The following ARID3A variants were observed in gnomAD, a reference collection of about 807,000 sequenced individuals.
ARID3A encodes the protein AT-rich interaction domain 3A.
ARID3A carries 11 observed loss-of-function variants against 52.7 expected under a neutral mutation model. The ratio of observed to expected loss-of-function variants is 0.21; its 90% CI spans 0.13 to 0.35. ARID3A has a LOEUF of 0.35. Ranked by LOEUF, ARID3A falls within the 10% of genes least tolerant of loss-of-function variation. The pLI is 1.00. For synonymous variants in ARID3A, 404 were observed against 359.4 expected, an observed-to-expected ratio of 1.12 and a Z score of -1.40; for missense variants, 721 against 838.5, an observed-to-expected ratio of 0.86 and a Z score of 1.73.
At position 929,363 on chromosome 19, in the gene ARID3A, GCCCC is replaced by G; in HGVS notation, c.-164_-161del. On this transcript the variant is annotated 5_prime_UTR_variant, in exon 2 of 9. Transcript: ENST00000263620. The surrounding 1 kb of genome is among the most constrained non-coding windows in gnomAD (Gnocchi z 6.2). ...ATCAGCCTTCAGCTTGAGCCCGGCG[GCCCC>G]CGCCCCCGCCCCCTGCCACCCTGCA... 3.9e-6 allele frequency: 1 copy of G among 259,260 alleles called. No individual in the cohort carries two copies. 16.1% of individuals were successfully genotyped at this position (259,260 alleles called of 1,614,324 possible).
intron 3 of ARID3A, among the ~76,000 whole-genome samples, chr19:935,884 G>A (rs1348697573): frequency 5.3e-5 from 8 of 152,312 alleles, no homozygotes; most frequent in South Asian, 2.1e-4. Flanking sequence ...TCTACCTCCC[G>A]GGTTCACGCC....
Position 975,671 on chromosome 19 carries a change from G to A in ARID3A, c.*3606G>A, listed in dbSNP as rs1217744200. On this transcript the variant is annotated 3_prime_UTR_variant, in exon 9 of 9. Coordinates refer to ENST00000263620, the MANE Select transcript of ARID3A (RefSeq NM_005224.3). The stretch of plus-strand genomic sequence containing the variant: ...CCTCTGGCTGGGCCCAGCCTGTCTC[G>A]CCCTGGCCGCGGCAGGGTGGCCTGT... 5.1e-5 allele frequency: 10 copies of A among 195,262 alleles called. No homozygotes were observed. The highest frequency in any genetic ancestry group is 2.0e-4 in the South Asian group (1 of 5,090). The allele number at this position is 195,262 out of a possible 1,614,324, so 12.1% of individuals were successfully genotyped here.
intron 1 of ARID3A, chr19:928,784 G>A (rs2037254311): frequency 6.6e-6 from 1 of 152,258 alleles, no homozygotes; most frequent in Admixed American, 6.5e-5. Context: ...CTGTTGAGTT[G>A]TGTGATGGGG....
At chr19:961,491 C>T (rs906440133) in intron 4 of ARID3A, among the ~76,000 whole-genome samples, 2 of 152,208 alleles carry the variant, frequency 1.3e-5, no homozygotes, top group African/African-American at 4.8e-5. Flanking sequence ...TCCCCATGAC[C>T]CTTTATCATC....
intron 3 of ARID3A, among the ~76,000 whole-genome samples, chr19:954,129 C>T (rs1010614119): frequency 1.3e-5 from 2 of 151,982 alleles, no homozygotes; most frequent in African/African-American, 4.8e-5. Context: ...CTGGGGGGCC[C>T]TGGGAGGCTG....
intron 3 of ARID3A, among the ~76,000 whole-genome samples, chr19:943,556 A>G (rs1230157464): frequency 6.6e-6 from 1 of 151,862 alleles, no homozygotes; most frequent in Non-Finnish European, 1.5e-5. Context: ...TGACAGAGCG[A>G]GACTCTGTCT....
At chr19:935,563 G>A (rs976690428) in intron 3 of ARID3A, among the ~76,000 whole-genome samples, 1 of 152,088 alleles carries the variant, frequency 6.6e-6, no homozygotes, top group African/African-American at 2.4e-5. Flanking sequence ...CTGCAGCCTC[G>A]ATCTCCTGGG....
chr19:936,722 G>A (rs988596597), intron 3 of ARID3A, among the ~76,000 whole-genome samples: 2 of 152,094 alleles, frequency 1.3e-5, no homozygotes, highest in African/African-American at 4.8e-5. Flanking sequence ...CGCGCCTGTA[G>A]TCCCAGCTAC....
Position 975,092 on chromosome 19 carries a change from G to T in ARID3A, c.*3027G>T. 1 of 231,830 alleles carries T rather than the reference G, an allele frequency of 4.3e-6. No individual in the cohort carries two copies. The highest frequency in any genetic ancestry group is 6.1e-5 in the East Asian group (1 of 16,424). The allele number at this position is 231,830 out of a possible 1,614,324, so 14.4% of individuals were successfully genotyped here. ...CTCCTGCCACCGCCTGTCGGTGGGG[G>T]TTTAAATTCGGTGTGGCTTTCTGGG... On this transcript the variant is annotated 3_prime_UTR_variant, in exon 9 of 9. Transcript: ENST00000263620.
At chr19:930,907 T>G (rs963739705) in intron 2 of ARID3A, among the ~76,000 whole-genome samples, 5 of 152,210 alleles carry the variant, frequency 3.3e-5, no homozygotes, top group African/African-American at 1.2e-4. Context: ...CGGCTGGACC[T>G]GCATAGCGTG....
intron 3 of ARID3A, among the ~76,000 whole-genome samples, chr19:940,015 T>A (rs1174131553): frequency 6.6e-6 from 1 of 152,040 alleles, no homozygotes; most frequent in Non-Finnish European, 1.5e-5. Flanking sequence ...GGGGCGCTGC[T>A]GGGCTTCCCC....
rs2037645289 is a variant in ARID3A, at chr19:944,922, C to G, written c.693+12180C>G. ...TCTCCATCTCTTCTTTCTCCTCTCC[C>G]CTCTCCCTGTCTCTGCCACCCGCCC... On this transcript the variant is annotated intron_variant, in intron 3 of 8. Coordinates refer to ENST00000263620, the MANE Select transcript of ARID3A (RefSeq NM_005224.3). This position sits in a 1 kb window ranked among gnomAD's most constrained non-coding sequence, Gnocchi z 5.9. 6.6e-6 allele frequency among the ~76,000 whole-genome samples: 1 copy of G among 152,176 alleles called. No individual in the cohort carries two copies. Among genetic ancestry groups the G allele is most frequent in the Non-Finnish European group, 1.5e-5 (1 of 68,026 alleles).
rs2038297549 is a variant in ARID3A at position 972,370 on chromosome 19, CAG to C, written c.*307_*308del. On this transcript the variant is annotated 3_prime_UTR_variant, in exon 9 of 9. Coordinates refer to ENST00000263620, the MANE Select transcript of ARID3A (RefSeq NM_005224.3). ...ACAGCAAAGAAATCCATCAGAAAAA[CAG>C]AAAGAGGCAGACGTTTCCCAGGGCG... 4.6e-6 allele frequency: 1 copy of C among 216,392 alleles called. No individual in the cohort carries two copies. The highest frequency in any genetic ancestry group is 9.3e-6 in the Non-Finnish European group (1 of 107,286). The allele number at this position is 216,392 out of a possible 1,614,324, so 13.4% of individuals were successfully genotyped here.
Position 959,431 on chromosome 19 carries a change from A to C in ARID3A, c.694-661A>C, listed in dbSNP as rs1599417682. On this transcript the variant is annotated intron_variant, in intron 3 of 8. Coordinates refer to ENST00000263620, the MANE Select transcript of ARID3A (RefSeq NM_005224.3). This position sits in a 1 kb window ranked among gnomAD's most constrained non-coding sequence, Gnocchi z 5.0. ...CGGGACTGTAGGCATGAGCCACCCC[A>C]CCTGGGTAACTTTTTGTTATCATAA... is the stretch of plus-strand genomic sequence containing the variant. Among the ~76,000 whole-genome samples, 1 of 151,806 alleles carries C rather than the reference A, an allele frequency of 6.6e-6. No individual in the cohort carries two copies. The highest frequency in any genetic ancestry group is 1.9e-4 in the East Asian group (1 of 5,154).
chr19:929,443 C>A lies in ARID3A; in HGVS notation c.-86C>A. 1.8e-4 allele frequency: 219 copies of A among 1,199,794 alleles called. No homozygotes were observed. The highest frequency in any genetic ancestry group is 2.2e-4 in the Non-Finnish European group (205 of 950,806). 74.3% of individuals were successfully genotyped at this position (1,199,794 alleles called of 1,614,324 possible). A position where few individuals can be genotyped will look rare whatever the true frequency, so the allele number is the denominator to read the frequency against. On this transcript the variant is annotated 5_prime_UTR_variant, in exon 2 of 9. Coordinates refer to ENST00000263620, the MANE Select transcript of ARID3A (RefSeq NM_005224.3). This position sits in a 1 kb window ranked among gnomAD's most constrained non-coding sequence, Gnocchi z 6.2. ...ACGCTGCAGTGCGGCCGGGCCCCCT[C>A]CCCGCAGGGGCCGCCCCCGCCGCCC...
chr19:941,969 G>T lies in ARID3A; in HGVS notation c.693+9227G>T, dbSNP rs1341954029. Among the ~76,000 whole-genome samples the T allele has an allele frequency of 6.6e-6, 1 of 152,206 alleles. No homozygotes were observed. The highest frequency in any genetic ancestry group is 2.4e-5 in the African/African-American group (1 of 41,444). ...TGGGAGCCTCGTGCTGGACCCTGAA[G>T]CATGAGGTCGCGGTGGGGCCTATTA... On this transcript the variant is annotated intron_variant, in intron 3 of 8. Coordinates refer to ENST00000263620, the MANE Select transcript of ARID3A (RefSeq NM_005224.3). The surrounding 1 kb of genome is among the most constrained non-coding windows in gnomAD (Gnocchi z 6.9).
In ARID3A at chr19:973,448, T is replaced by C; in HGVS notation, c.*1383T>C. On this transcript the variant is annotated 3_prime_UTR_variant, in exon 9 of 9. Transcript: ENST00000263620. ...ATCTTATCTAAAAAGTAGCAAGTGC[T>C]GGAAAAAGGGCCTGGGGGGCGGGGG... The C allele has an allele frequency of 4.8e-6, 1 of 206,882 alleles. No homozygotes were observed. The highest frequency in any genetic ancestry group is 9.9e-6 in the Non-Finnish European group (1 of 101,170). The allele number at this position is 206,882 out of a possible 1,614,324, so 12.8% of individuals were successfully genotyped here. A position where few individuals can be genotyped will look rare whatever the true frequency, so the allele number is the denominator to read the frequency against.
At position 941,198 on chromosome 19, in the gene ARID3A, T is replaced by G. The variant is rs905885760; in HGVS notation, c.693+8456T>G. 1.3e-5 allele frequency among the ~76,000 whole-genome samples: 2 copies of G among 152,192 alleles called. No homozygotes were observed. Among genetic ancestry groups the G allele is most frequent in the Non-Finnish European group, 2.9e-5 (2 of 68,012 alleles). ...CCCGCAGGCAGAGAGTGTCCCCGCG[T>G]GGTGCCTGGGCGGGGGAATGGGCGT... On this transcript the variant is annotated intron_variant, in intron 3 of 8. Transcript: ENST00000263620. This position sits in a 1 kb window ranked among gnomAD's most constrained non-coding sequence, Gnocchi z 6.9.
chr19:975,736 G>C lies in ARID3A; in HGVS notation c.*3671G>C. The C allele has an allele frequency of 5.7e-5, 5 of 88,066 alleles. No homozygotes were observed. Among genetic ancestry groups the C allele is most frequent in the East Asian group, 1.3e-4 (1 of 7,488 alleles). 5.5% of individuals were successfully genotyped at this position (88,066 alleles called of 1,614,324 possible). Reference sequence around the variant, plus strand: ...TCGCAGAACATTCAGGTATTAAAAGGAAAAAAAAAAAAAAAGACAAAAAGA... The same window carrying C: ...TCGCAGAACATTCAGGTATTAAAAGCAAAAAAAAAAAAAAAGACAAAAAGA... On this transcript the variant is annotated 3_prime_UTR_variant, in exon 9 of 9. Transcript: ENST00000263620.
Sources: allele counts gnomAD v4.1 joint callset (sites outside exome capture counted in the v4.1 genomes callset), GRCh38; gene constraint gnomAD v4.1.1; non-coding constraint Gnocchi (gnomAD v3.1); transcripts MANE v1.5; gene names NCBI Gene and HGNC (gene_info 2026-07-23, HGNC 2026-07-21).